The following PIK3AP1 variants were observed in gnomAD, a reference collection of about 807,000 sequenced individuals.
PIK3AP1 encodes phosphoinositide 3-kinase adapter protein 1.
PIK3AP1 carries 21 observed loss-of-function variants against 88.1 expected under a neutral mutation model. The ratio of observed to expected loss-of-function variants is 0.24; its 90% confidence interval spans 0.17 to 0.34. The LOEUF (loss-of-function observed/expected upper bound fraction) is 0.34. PIK3AP1 is among the 10% of genes least tolerant of loss of function. The pLI is 1.00. For missense variants in PIK3AP1, 828 were observed against 1,035.7 expected (o/e 0.80, Z 2.75); for synonymous variants, 398 against 400.0 (o/e 1.00, Z 0.06).
chr10:96,632,762 G>A (rs1843261295), intron 8 of PIK3AP1: 15 of 1,174,248 alleles, frequency 1.3e-5, no homozygotes, highest in South Asian at 9.7e-5. Context: ...GATTAGAAGC[G>A]TGGGCATTAG....
In PIK3AP1 at chr10:96,619,895, T is replaced by C. The variant is rs558504340; in HGVS notation, c.1941+457A>G. ...CGTGTCTGAGTTGTTTTAATTTGGGTGGTTTTGTATCTGCAACTTGTTTTG... is the reference window on the plus strand; with the variant it reads ...CGTGTCTGAGTTGTTTTAATTTGGGCGGTTTTGTATCTGCAACTTGTTTTG... On this transcript the variant is annotated intron_variant, in intron 12 of 16. Coordinates refer to ENST00000339364, the MANE Select transcript of PIK3AP1 (RefSeq NM_152309.3). Among the ~76,000 whole-genome samples, 144 of 152,290 alleles carry C rather than the reference T, an allele frequency of 9.5e-4. 7 individuals are homozygous for C. In the South Asian group the frequency reaches 0.03, roughly 31 times the overall value.
rs1843557332 is a variant in PIK3AP1, at chr10:96,652,748, C to T, written c.662G>A (p.Arg221Lys). The T allele has an allele frequency of 1.2e-6, 2 of 1,614,134 alleles. No individual in the cohort carries two copies. The highest frequency in any genetic ancestry group is 1.7e-5 in the Admixed American group (1 of 60,016). ...CTCATTCTCCACCTTGGCTTCCATC[C>T]TTACAGAGGGAGAATCCTCAGGAGA... ...EFSPEDSPSV[R>K]MEAKVENEYT... is the part of the protein sequence containing the mutation. The change falls in exon 4 of 17, where the codon AGG becomes AAG. Residue 221 changes from arginine (R) to lysine (K), a missense_variant. Physicochemically the swap from Arg to Lys is conservative, Grantham distance 26. Around this residue, in one of 3 missense-constraint regions of PIK3AP1, gnomAD observed 610 missense variants for 760.1 expected, o/e 0.80. Coordinates refer to ENST00000339364, the MANE Select transcript of PIK3AP1 (RefSeq NM_152309.3).
chr10:96,645,691 C>A, intron 7 of PIK3AP1, 29 bp from the exon 8 acceptor site: 1 of 1,549,074 alleles, frequency 6.5e-7, no homozygotes, highest in Non-Finnish European at 8.7e-7. Context: ...CCCACGGCGC[C>A]CTGAGGCAGC....
chr10:96,616,496 C>A, intron 13 of PIK3AP1, 143 bp downstream of exon 13: 1 of 803,394 alleles, frequency 1.2e-6, no homozygotes. Context: ...CCTTTACAGT[C>A]TAGTGGGGGA....
Position 96,631,815 on chromosome 10 carries a change from G to A in PIK3AP1, c.1376-3322C>T, listed in dbSNP as rs139371884. Reference sequence around the variant, plus strand: ...GGAGAACAGCTTGAACCCAGGAGGCGGAGGCTGCAGTGAGCTGGGATTAAC... The same window carrying A: ...GGAGAACAGCTTGAACCCAGGAGGCAGAGGCTGCAGTGAGCTGGGATTAAC... On this transcript the variant is annotated intron_variant, in intron 8 of 16. Transcript: ENST00000339364. 2.6e-3 allele frequency among the ~76,000 whole-genome samples: 388 copies of A among 152,150 alleles called. 1 individual carries two copies. The highest frequency in any genetic ancestry group is 8.7e-3 in the African/African-American group (362 of 41,520).
chr10:96,646,361 T>TTCTCAA (rs1843460320), intron 7 of PIK3AP1, among the ~76,000 whole-genome samples: 1 of 152,120 alleles, frequency 6.6e-6, no homozygotes, highest in Non-Finnish European at 1.5e-5. Context: ...CACTACTGCT[T>TTCTCAA]GAGAAAGGTA....
At chr10:96,706,525 T>A (rs61856806) in intron 2 of PIK3AP1, among the ~76,000 whole-genome samples, 20,346 of 152,084 alleles carry the variant, frequency 0.13, 1,714 homozygotes, top group East Asian at 0.24. Context: ...GGCAAGAAGG[T>A]CATACTTCAA....
rs1843556885 is a variant in PIK3AP1 at position 96,652,721 on chromosome 10, T to G, written c.689A>C (p.Tyr230Ser). The change falls in exon 4 of 17, where the codon TAC becomes TCC. Residue 230 changes from tyrosine (Y) to serine (S), a missense_variant. By Grantham distance (144) the Tyr-to-Ser change is moderately radical. This residue lies in a region of PIK3AP1 where 610 missense variants were observed against 760.1 expected (regional missense o/e 0.80). Transcript: ENST00000339364. ...ACTGGGAGCCTTCACTGAAATGGTGTACTCATTCTCCACCTTGGCTTCCAT... is the reference window on the plus strand; with the variant it reads ...ACTGGGAGCCTTCACTGAAATGGTGGACTCATTCTCCACCTTGGCTTCCAT... ...VRMEAKVENE[Y>S]TISVKAPNLS... is the part of the protein sequence containing the mutation. 1 of 1,614,178 alleles carries G rather than the reference T, an allele frequency of 6.2e-7. No individual in the cohort carries two copies. Among genetic ancestry groups the G allele is most frequent in the African/African-American group, 1.3e-5 (1 of 75,050 alleles).
At chr10:96,618,107 C>A (rs187117749) in intron 12 of PIK3AP1, among the ~76,000 whole-genome samples, 1 of 152,280 alleles carries the variant, frequency 6.6e-6, no homozygotes, top group East Asian at 1.9e-4. Flanking sequence ...GGGAACCAAA[C>A]AATGTGAGCC....
intron 12 of PIK3AP1, among the ~76,000 whole-genome samples, chr10:96,617,461 C>T (rs1843009690): frequency 6.6e-6 from 1 of 152,120 alleles, no homozygotes; most frequent in South Asian, 2.1e-4. Context: ...GGTTGGTCTG[C>T]AGCTGCAGGC....
At chr10:96,645,216 C>T (rs866943382) in intron 8 of PIK3AP1, among the ~76,000 whole-genome samples, 2 of 152,106 alleles carry the variant, frequency 1.3e-5, no homozygotes, top group South Asian at 2.1e-4. Flanking sequence ...TCTCAGATCA[C>T]GAGGCAATGA....
At chr10:96,706,619 T>G (rs1844368458) in intron 2 of PIK3AP1, among the ~76,000 whole-genome samples, 1 of 152,184 alleles carries the variant, frequency 6.6e-6, no homozygotes, top group South Asian at 2.1e-4. Flanking sequence ...ATCTGCCACT[T>G]ACAGAAAAGG....
At chr10:96,638,483 C>CACAG (rs1413861585) in intron 8 of PIK3AP1, among the ~76,000 whole-genome samples, 19 of 150,722 alleles carry the variant, frequency 1.3e-4, no homozygotes, top group Admixed American at 6.6e-4. Flanking sequence ...CACACACACA[C>CACAG]ACACACACAC....
intron 8 of PIK3AP1, among the ~76,000 whole-genome samples, chr10:96,639,598 A>C (rs1341733392): frequency 6.6e-6 from 1 of 152,202 alleles, no homozygotes; most frequent in East Asian, 1.9e-4. Flanking sequence ...TTTATGGAGG[A>C]GCAAAAAGCA....
chr10:96,621,387 A>C (rs1203453410), intron 11 of PIK3AP1: 1 of 152,740 alleles, frequency 6.5e-6, no homozygotes, highest in Non-Finnish European at 1.5e-5. Context: ...GCATGGGTCA[A>C]CTTCTGTGCC....
At chr10:96,707,855 C>T (rs146435910) in intron 2 of PIK3AP1, among the ~76,000 whole-genome samples, 4 of 152,230 alleles carry the variant, frequency 2.6e-5, no homozygotes, top group Admixed American at 1.3e-4. Flanking sequence ...GTCTTTCTAA[C>T]GTAAAGATAA....
Position 96,656,789 on chromosome 10 carries a change from A to T in PIK3AP1, c.567+9T>A, listed in dbSNP as rs1162510418. The T allele has an allele frequency of 6.8e-6, 11 of 1,613,534 alleles. No homozygotes were observed. Among genetic ancestry groups the T allele is most frequent in the Non-Finnish European group, 9.3e-6 (11 of 1,179,780 alleles). On this transcript the variant is annotated intron_variant, in intron 3 of 16. Transcript: ENST00000339364. ...GACATCCAGCTACCAGGCCCCCAGC[A>T]GTGCCTACCCCACAGCGAATGCGGT... is the stretch of plus-strand genomic sequence containing the variant.
At chr10:96,676,308 C>CTTTTTTTT (rs147680543) in intron 2 of PIK3AP1, among the ~76,000 whole-genome samples, 1 of 126,652 alleles carries the variant, frequency 7.9e-6, no homozygotes, top group African/African-American at 3.1e-5. Context: ...TGTGACCTTG[C>CTTTTTTTT]TTTTTTTTTT....
intron 2 of PIK3AP1, among the ~76,000 whole-genome samples, chr10:96,688,034 G>T (rs563522725): frequency 6.6e-6 from 1 of 151,874 alleles, no homozygotes; most frequent in East Asian, 1.9e-4. Flanking sequence ...AATTTCCCTT[G>T]AAGAAGCCTT....
Sources: allele counts gnomAD v4.1 joint callset (sites outside exome capture counted in the v4.1 genomes callset), GRCh38; gene constraint gnomAD v4.1.1; regional missense constraint gnomAD v4.1.1; transcripts MANE v1.5; gene names NCBI Gene and HGNC (gene_info 2026-07-23, HGNC 2026-07-21).